FAM186A: variants seen among roughly 807,000 people sequenced by gnomAD.
FAM186A encodes the protein protein FAM186A.
Under a neutral mutation model 216.8 loss-of-function variants are expected in FAM186A, and 163 were observed. The ratio of observed to expected loss-of-function variants is 0.75; its 90% confidence interval spans 0.66 to 0.86. The LOEUF is 0.86. Among genes scored for constraint, FAM186A ranks in the 40% least tolerant of loss-of-function variants. FAM186A has a pLI of 0.00. For missense variants in FAM186A, 2,184 were observed against 2,746.2 expected, an observed-to-expected ratio of 0.80 and a Z score of 4.58; for synonymous variants, 805 against 1,025.3, an observed-to-expected ratio of 0.79 and a Z score of 4.10.
chr12:50,330,293 G>A (rs1942643633), intron 7 of FAM186A, among the ~76,000 whole-genome samples: 1 of 152,204 alleles, frequency 6.6e-6, no homozygotes, highest in Admixed American at 6.5e-5. Flanking sequence ...GGAATTAAAA[G>A]TGGACCTATC....
At chr12:50,364,751 T>C (rs1943071353) in intron 1 of FAM186A, among the ~76,000 whole-genome samples, 1 of 151,000 alleles carries the variant, frequency 6.6e-6, no homozygotes. Flanking sequence ...AATAAAATTT[T>C]TTTTGGCCAG....
intron 4 of FAM186A, among the ~76,000 whole-genome samples, chr12:50,346,261 G>GAAAGAAAGAAAGAAAGAAAGAAAGAAAC (rs1942816204): frequency 6.6e-6 from 1 of 150,618 alleles, no homozygotes. Context: ...AAGAAAGAAA[G>GAAAGAAAGAAAGAAAGAAAGAAAGAAAC]AAAGTCATAC....
chr12:50,381,440 A>G (rs1233594312), intron 1 of FAM186A, among the ~76,000 whole-genome samples: 5 of 152,044 alleles, frequency 3.3e-5, no homozygotes, highest in Middle Eastern at 3.2e-3. Context: ...GCTCATCCCA[A>G]TGAGTGTCCA....
intron 1 of FAM186A, among the ~76,000 whole-genome samples, chr12:50,388,851 G>C (rs192486983): frequency 1.1e-3 from 169 of 151,836 alleles, no homozygotes; most frequent in African/African-American, 4.0e-3. Flanking sequence ...TCAGGAGTTT[G>C]AGACCAGCCT....
intron 4 of FAM186A, among the ~76,000 whole-genome samples, chr12:50,335,953 G>A (rs571599367): frequency 5.3e-5 from 8 of 151,890 alleles, no homozygotes; most frequent in Admixed American, 5.3e-4. Context: ...GTGAAACCCT[G>A]ACTCTACTAA....
At chr12:50,380,479 C>T (rs931679540) in intron 1 of FAM186A, among the ~76,000 whole-genome samples, 24 of 138,964 alleles carry the variant, frequency 1.7e-4, no homozygotes, top group Admixed American at 2.4e-4. Flanking sequence ...AGTTCGAGAC[C>T]GGCCTGGCCA....
In FAM186A at chr12:50,355,332, T is replaced by C. The variant is rs1389612250; in HGVS notation, c.1500A>G (p.Lys500=). ...AGGATTTCATTTCTTTTCTTTTCTT[T>C]TTCAGTACTTGTAGCTCATAGTATT... The part of the protein sequence containing the change: ...PSQYYELQVL[K]KKRKEMKSFS... The change falls in exon 4 of 8, where the codon AAA becomes AAG. Residue 500 remains lysine (K), a synonymous_variant. Coordinates refer to ENST00000327337, the MANE Select transcript of FAM186A (RefSeq NM_001145475.3). The C allele has an allele frequency of 4.5e-6, 7 of 1,550,334 alleles. No homozygotes were observed. Among genetic ancestry groups the C allele is most frequent in the Non-Finnish European group, 5.2e-6 (6 of 1,146,770 alleles).
rs984408516 is a variant in FAM186A, at chr12:50,351,460, G to A, written c.5372C>T (p.Ala1791Val). 6.8e-7 allele frequency: 1 copy of A among 1,476,944 alleles called. No homozygotes were observed. The highest frequency in any genetic ancestry group is 2.6e-5 in the Admixed American group (1 of 37,816). The allele number at this position is 1,476,944 out of a possible 1,614,324, so 91.5% of individuals were successfully genotyped here. ...GILSEPGKLG[A>V]PQTLRSSGQT... ...TCCAGAGGAACGAAGAGTCTGTGGT[G>A]CCCCAAGCTTCCCAGGCTCAGAAAG... Residue 1791 changes from alanine (A) to valine (V), a missense_variant, in exon 4 of 8, where the codon GCA becomes GTA. Physicochemically the swap from Ala to Val is moderately conservative, Grantham distance 64 (BLOSUM62 0). Transcript: ENST00000327337.
At chr12:50,346,167 C>CA (rs1383499606) in intron 4 of FAM186A, among the ~76,000 whole-genome samples, 63 of 61,906 alleles carry the variant, frequency 1.0e-3, no homozygotes, top group Admixed American at 1.4e-3. Flanking sequence ...CAGACCCCGC[C>CA]AAAAAAAAAA....
At chr12:50,381,739 C>T (rs1204658173) in intron 1 of FAM186A, among the ~76,000 whole-genome samples, 1 of 152,084 alleles carries the variant, frequency 6.6e-6, no homozygotes, top group Non-Finnish European at 1.5e-5. Flanking sequence ...GTGGGAAGAT[C>T]ACTTGAGGAC....
In FAM186A at chr12:50,331,847, AG is replaced by A. The variant is rs1052482058; in HGVS notation, c.6697-27del. The A allele has an allele frequency of 1.5e-5, 22 of 1,501,786 alleles. No individual in the cohort carries two copies. The African/African-American group carries it at 2.7e-4, about 18-fold the overall frequency. The allele number at this position is 1,501,786 out of a possible 1,614,324, so 93.0% of individuals were successfully genotyped here. On this transcript the variant is annotated intron_variant, in intron 5 of 7. Transcript: ENST00000327337. ...CTATAAAAAAAAATAGATCAGAAAAAGGAAACCATGAAAAGAGACAGAATCT... is the reference window on the plus strand; with the variant it reads ...CTATAAAAAAAAATAGATCAGAAAAAGAAACCATGAAAAGAGACAGAATCT...
At chr12:50,338,893 A>G (rs115532672) in intron 4 of FAM186A, among the ~76,000 whole-genome samples, 3,410 of 152,282 alleles carry the variant, frequency 0.022, 122 homozygotes, top group African/African-American at 0.078. Context: ...AATTTACATA[A>G]TTTATTTTCA....
At chr12:50,347,594 G>A (rs531302003) in intron 4 of FAM186A, among the ~76,000 whole-genome samples, 4 of 151,876 alleles carry the variant, frequency 2.6e-5, no homozygotes, top group South Asian at 2.1e-4. Flanking sequence ...AGCTGGGCAT[G>A]GTGGCACACA....
chr12:50,352,203 G>A lies in FAM186A; in HGVS notation c.4629C>T (p.Leu1543=). ...CCAGGGCCTGGACCTGCTGAGGGGT[G>A]AGAGGGATCCCCAATTCCTGAGCCT... is the stretch of plus-strand genomic sequence containing the variant. ...PPQAQELGIP[L]TPQQVQALGI... is the part of the protein sequence containing the mutation. The change falls in exon 4 of 8, where the codon CTC becomes CTT. Residue 1543 remains leucine, a synonymous_variant. Transcript: ENST00000327337. 5 of 1,526,414 alleles carry A rather than the reference G, an allele frequency of 3.3e-6. No homozygotes were observed. The highest frequency in any genetic ancestry group is 4.4e-6 in the Non-Finnish European group (5 of 1,137,034). 94.6% of individuals were successfully genotyped at this position (1,526,414 alleles called of 1,614,324 possible).
At position 50,396,448 on chromosome 12, in the gene FAM186A, G is replaced by T; in HGVS notation, c.37C>A (p.Pro13Thr). The change falls in exon 1 of 8, where the codon CCT (proline) becomes ACT (threonine). Residue 13 changes from proline to threonine, a missense_variant. Pro to Thr is a conservative substitution (Grantham distance 38). This residue lies in a region of FAM186A where 1,132 missense variants were observed against 1,263.4 expected (regional missense o/e 0.90). Coordinates refer to ENST00000327337, the MANE Select transcript of FAM186A (RefSeq NM_001145475.3). ...FKMKNEIDND[P>T]ESEKCIKDST... Reference sequence around the variant, plus strand: ...TCCTTGATGCATTTTTCTGATTCAGGGTCATTGTCTATCTCATTTTTCATT... The same window carrying T: ...TCCTTGATGCATTTTTCTGATTCAGTGTCATTGTCTATCTCATTTTTCATT... 1.3e-6 allele frequency: 2 copies of T among 1,545,820 alleles called. No individual in the cohort carries two copies. The highest frequency in any genetic ancestry group is 1.7e-6 in the Non-Finnish European group (2 of 1,145,714).
At chr12:50,396,063 T>G (rs1476157976) in intron 1 of FAM186A, among the ~76,000 whole-genome samples, 1 of 152,158 alleles carries the variant, frequency 6.6e-6, no homozygotes, top group Non-Finnish European at 1.5e-5. Flanking sequence ...ATGCCCGGCT[T>G]GATTTATTTC....
chr12:50,346,586 G>A (rs1260534367), intron 4 of FAM186A, among the ~76,000 whole-genome samples: 3 of 152,148 alleles, frequency 2.0e-5, no homozygotes, highest in African/African-American at 4.8e-5. Flanking sequence ...GGTGGCTCAC[G>A]CCTGTAATCC....
chr12:50,394,014 G>A (rs1436859116), intron 1 of FAM186A, among the ~76,000 whole-genome samples: 1 of 151,980 alleles, frequency 6.6e-6, no homozygotes, highest in African/African-American at 2.4e-5. Flanking sequence ...TGCCTTTCGG[G>A]CTCAAGTGAT....
rs1035344049 is a variant in FAM186A at position 50,355,385 on chromosome 12, G to A, written c.1447C>T (p.Gln483Ter). The stretch of plus-strand genomic sequence containing the variant: ...CTAGGTTTGGCCTCTGAGACTTTCT[G>A]TCCACTTTTATTATCACTCAGATTT... ...GPNLSDNKSGQKVSEAKPSQY... is the reference protein window; with the variant it reads ...GPNLSDNKSG The change falls in exon 4 of 8, where the codon CAG becomes TAG. Residue 483 changes from glutamine to a stop codon, truncating the protein, a stop_gained. Transcript: ENST00000327337. LOFTEE classifies it high-confidence loss of function. 2 of 1,551,164 alleles carry A rather than the reference G, an allele frequency of 1.3e-6. No individual in the cohort carries two copies. Among genetic ancestry groups the A allele is most frequent in the Non-Finnish European group, 1.7e-6 (2 of 1,146,982 alleles).
Sources: gnomAD v4.1 joint callset for allele counts (sites outside exome capture counted in the v4.1 genomes callset) on GRCh38, gnomAD v4.1.1 for gene constraint, gnomAD v4.1.1 regional missense constraint, MANE v1.5 for transcripts, NCBI Gene and HGNC (gene_info 2026-07-23, HGNC 2026-07-21) for gene names.